Variants in CTNND2 observed in about 807,000 individuals in gnomAD.
The protein encoded by CTNND2 is catenin delta-2.
CTNND2 carries 22 observed loss-of-function variants against 144.4 expected under a neutral mutation model. The observed-to-expected ratio is 0.15, with a 90% CI of 0.11 to 0.22. The LOEUF is 0.22. Among genes scored for constraint, CTNND2 ranks in the 10% least tolerant of loss-of-function variants. The probability of loss-of-function intolerance (pLI) is 1.00; values close to 1 mark genes in which losing one functional copy is unlikely to be tolerated. For missense variants in CTNND2, 1,353 were observed against 1,618.8 expected, an observed-to-expected ratio of 0.84 and a Z score of 2.82; for synonymous variants, 751 against 695.6, an observed-to-expected ratio of 1.08 and a Z score of -1.25.
At chr5:11,166,458 C>T (rs1285537741) in intron 11 of CTNND2, among the ~76,000 whole-genome samples, 5 of 151,150 alleles carry the variant, frequency 3.3e-5, no homozygotes, top group Non-Finnish European at 5.9e-5. Flanking sequence ...ACCATCTTAG[C>T]CAGGATGGTC....
chr5:11,551,583 TA>T (rs1171810312), intron 3 of CTNND2, among the ~76,000 whole-genome samples: 4 of 151,322 alleles, frequency 2.6e-5, no homozygotes, highest in Non-Finnish European at 5.9e-5. Flanking sequence ...CACACCCAAC[TA>T]TTTTTTTTTG....
At chr5:11,529,958 T>C (rs31783) in intron 3 of CTNND2, among the ~76,000 whole-genome samples, 100,256 of 151,288 alleles carry the variant, frequency 0.66, 33,396 homozygotes, top group Admixed American at 0.71. Flanking sequence ...AAATTACATA[T>C]TATATGCTAT....
intron 1 of CTNND2, among the ~76,000 whole-genome samples, chr5:11,812,399 G>A (rs962144508): frequency 2.0e-5 from 3 of 152,134 alleles, no homozygotes; most frequent in Non-Finnish European, 4.4e-5. Context: ...ACCATCCTAT[G>A]GCTGACATGG....
intron 12 of CTNND2, among the ~76,000 whole-genome samples, chr5:11,139,331 C>T (rs1756471241): frequency 6.6e-6 from 1 of 152,204 alleles, no homozygotes; most frequent in African/African-American, 2.4e-5. Context: ...CTGTCTGCAT[C>T]CCAGCATACT....
chr5:11,074,217 C>T (rs996535804), intron 16 of CTNND2, among the ~76,000 whole-genome samples: 2 of 152,176 alleles, frequency 1.3e-5, no homozygotes, highest in Non-Finnish European at 2.9e-5. Flanking sequence ...TATCCCAGAA[C>T]GTTCTGTCAC....
intron 5 of CTNND2, among the ~76,000 whole-genome samples, chr5:11,407,068 T>C (rs1465769897): frequency 2.0e-5 from 3 of 152,226 alleles, no homozygotes; most frequent in Non-Finnish European, 4.4e-5. Flanking sequence ...TGTGAATCAC[T>C]GGCTAAGATA....
intron 20 of CTNND2, among the ~76,000 whole-genome samples, chr5:10,985,117 A>C (rs1172866212): frequency 6.6e-6 from 1 of 151,804 alleles, no homozygotes; most frequent in Non-Finnish European, 1.5e-5. Flanking sequence ...TAAATACATA[A>C]ATAAATGGCA....
intron 8 of CTNND2, among the ~76,000 whole-genome samples, chr5:11,364,338 T>C (rs1008844436): frequency 6.6e-6 from 1 of 152,264 alleles, no homozygotes; most frequent in Non-Finnish European, 1.5e-5. Context: ...CTTACCATCA[T>C]CAAGCATACG....
intron 11 of CTNND2, among the ~76,000 whole-genome samples, chr5:11,185,058 T>C (rs956039414): frequency 1.3e-5 from 2 of 152,214 alleles, no homozygotes; most frequent in Admixed American, 1.3e-4. Flanking sequence ...TCCATTCTTA[T>C]TAAAGAAGCA....
At chr5:11,807,075 C>A (rs1428107478) in intron 1 of CTNND2, among the ~76,000 whole-genome samples, 1 of 152,090 alleles carries the variant, frequency 6.6e-6, no homozygotes, top group African/African-American at 2.4e-5. Context: ...GCTTATATCA[C>A]CCCTGCTTAA....
chr5:11,721,375 T>G (rs914964295), intron 2 of CTNND2, among the ~76,000 whole-genome samples: 10 of 91,620 alleles, frequency 1.1e-4, no homozygotes, highest in African/African-American at 4.7e-4. Flanking sequence ...CAATAAGCTG[T>G]TTTTTTTTAA....
intron 2 of CTNND2, among the ~76,000 whole-genome samples, chr5:11,654,257 T>C (rs1427753470): frequency 6.6e-6 from 1 of 152,090 alleles, no homozygotes; most frequent in Non-Finnish European, 1.5e-5. Flanking sequence ...TTTTTCTATT[T>C]CTGTAAAGAA....
intron 2 of CTNND2, among the ~76,000 whole-genome samples, chr5:11,633,313 A>C (rs1781505335): frequency 1.3e-5 from 2 of 152,330 alleles, no homozygotes; most frequent in South Asian, 4.1e-4. Context: ...CATCAACAAC[A>C]ATGAAGGCAA....
intron 8 of CTNND2, among the ~76,000 whole-genome samples, chr5:11,351,750 ATTAT>A (rs1440168799): frequency 6.6e-6 from 1 of 152,210 alleles, no homozygotes; most frequent in Non-Finnish European, 1.5e-5. Flanking sequence ...TACTTTTTGG[ATTAT>A]TTGTCTTTAA....
intron 1 of CTNND2, among the ~76,000 whole-genome samples, chr5:11,811,499 T>C (rs1163456241): frequency 6.6e-6 from 1 of 152,176 alleles, no homozygotes; most frequent in African/African-American, 2.4e-5. Context: ...ATAAATTCTC[T>C]TGGATAAGGC....
intron 2 of CTNND2, among the ~76,000 whole-genome samples, chr5:11,606,767 A>G (rs531649353): frequency 1.3e-5 from 2 of 152,294 alleles, no homozygotes; most frequent in Non-Finnish European, 1.5e-5. Context: ...GGACAGATAA[A>G]CAGAGAATGT....
chr5:11,270,184 T>C (rs1330092894), intron 9 of CTNND2, among the ~76,000 whole-genome samples: 1 of 152,186 alleles, frequency 6.6e-6, no homozygotes, highest in Non-Finnish European at 1.5e-5. Context: ...TTTTTATTTT[T>C]ATTTCACTCA....
chr5:11,796,713 G>A (rs952918769), intron 1 of CTNND2, among the ~76,000 whole-genome samples: 1 of 152,158 alleles, frequency 6.6e-6, no homozygotes, highest in Non-Finnish European at 1.5e-5. Flanking sequence ...TTTATAGGAT[G>A]TCTTAATTTT....
chr5:11,213,605 TG>T (rs1738866830), intron 10 of CTNND2, among the ~76,000 whole-genome samples: 1 of 152,140 alleles, frequency 6.6e-6, no homozygotes, highest in Non-Finnish European at 1.5e-5. Flanking sequence ...GGTGCATCTG[TG>T]ACCCTTGAAA....
Sources: allele counts gnomAD v4.1 joint callset (sites outside exome capture counted in the v4.1 genomes callset), GRCh38; gene constraint gnomAD v4.1.1; transcripts MANE v1.5; gene names NCBI Gene and HGNC (gene_info 2026-07-23, HGNC 2026-07-21).